The following PALM2AKAP2 variants were observed in gnomAD, a reference collection of about 807,000 sequenced individuals.
PALM2AKAP2 encodes the protein PALM2-AKAP2 fusion protein.
Under a neutral mutation model 71.5 loss-of-function variants are expected in PALM2AKAP2, and 37 were observed. The observed-to-expected ratio is 0.52, with a 90% CI of 0.40 to 0.68. The LOEUF (loss-of-function observed/expected upper bound fraction) is 0.68, where lower values mean the gene tolerates loss of function less well. PALM2AKAP2 is among the 30% of genes least tolerant of loss of function. The pLI is 0.00. For synonymous variants in PALM2AKAP2, 468 were observed against 478.8 expected, an observed-to-expected ratio of 0.98 and a Z score of 0.29; for missense variants, 1,224 against 1,191.8, an observed-to-expected ratio of 1.03 and a Z score of -0.40.
chr9:109,787,102 G>A (rs1414254420), intron 1 of PALM2AKAP2, among the ~76,000 whole-genome samples: 1 of 151,892 alleles, frequency 6.6e-6, no homozygotes, highest in African/African-American at 2.4e-5. Flanking sequence ...ATTGTGGTGG[G>A]GTAGTTACCA....
At chr9:109,845,945 A>G (rs1828840888) in intron 1 of PALM2AKAP2, among the ~76,000 whole-genome samples, 1 of 152,226 alleles carries the variant, frequency 6.6e-6, no homozygotes, top group African/African-American at 2.4e-5. Context: ...TCTCAGATTC[A>G]GAAGGAGGAG....
chr9:110,148,584 A>G (rs2119173830), intron 2 of PALM2AKAP2: 1 of 152,308 alleles, frequency 6.6e-6, no homozygotes, highest in African/African-American at 2.4e-5. Context: ...TGAAAATGCA[A>G]GTCTGAGCTC....
upstream of PALM2AKAP2, chr9:110,048,591 G>T (rs1402055228): frequency 5.0e-6 from 6 of 1,206,264 alleles, no homozygotes; most frequent in East Asian, 1.8e-4. Context: ...GTCCGTGGGC[G>T]CTGGGCTACT....
intron 1 of PALM2AKAP2, among the ~76,000 whole-genome samples, chr9:110,078,650 T>A (rs973178668): frequency 1.3e-5 from 2 of 152,232 alleles, no homozygotes; most frequent in African/African-American, 2.4e-5. Flanking sequence ...TAATTTCCAA[T>A]AAAAACTCTG....
At chr9:109,683,132 G>A (rs1827760825) in intron 1 of PALM2AKAP2, among the ~76,000 whole-genome samples, 1 of 152,098 alleles carries the variant, frequency 6.6e-6, no homozygotes, top group African/African-American at 2.4e-5. Flanking sequence ...CTCTTTCTTT[G>A]CCTTCCACCA....
chr9:110,076,518 T>C (rs2118650597), intron 1 of PALM2AKAP2, among the ~76,000 whole-genome samples: 1 of 145,426 alleles, frequency 6.9e-6, no homozygotes, highest in East Asian at 1.9e-4. Context: ...TATAGGTATA[T>C]ATACCTCCAA....
At chr9:109,947,798 T>C (rs941278188) in intron 6 of PALM2AKAP2, among the ~76,000 whole-genome samples, 1 of 152,214 alleles carries the variant, frequency 6.6e-6, no homozygotes, top group Non-Finnish European at 1.5e-5. Flanking sequence ...CCATTTCACA[T>C]TGCATTTTTG....
At chr9:109,648,158 G>A (rs909491977) in intron 1 of PALM2AKAP2, among the ~76,000 whole-genome samples, 18 of 152,092 alleles carry the variant, frequency 1.2e-4, no homozygotes, top group African/African-American at 4.1e-4. Flanking sequence ...AGACGTGCCT[G>A]CTTCCCCTTC....
At chr9:109,901,996 A>C (rs1445301407) in intron 3 of PALM2AKAP2, among the ~76,000 whole-genome samples, 2 of 152,082 alleles carry the variant, frequency 1.3e-5, no homozygotes, top group African/African-American at 4.8e-5. Flanking sequence ...AAATATCAGC[A>C]ATATCTTGGA....
intron 1 of PALM2AKAP2, among the ~76,000 whole-genome samples, chr9:109,642,619 G>A (rs1308703849): frequency 1.3e-5 from 2 of 151,440 alleles, no homozygotes; most frequent in African/African-American, 2.4e-5. Context: ...GTGCAATGGC[G>A]CTATCATGGC....
rs10571516 is a variant in PALM2AKAP2, at chr9:109,822,268, T to TATCCATCCATCC, written c.45+41763_45+41774dup. Among the ~76,000 whole-genome samples, 99 of 150,296 alleles carry TATCCATCCATCC rather than the reference T, an allele frequency of 6.6e-4. 1 individual carries two copies. Among genetic ancestry groups the TATCCATCCATCC allele is most frequent in the Middle Eastern group, 3.4e-3 (1 of 292 alleles). On this transcript the variant is annotated intron_variant, in intron 1 of 9. Transcript: ENST00000302798. ...TCTCTTCCCATCTTCCCCATCCATCTATCCATCCATCCATCCATCCATCCA... is the reference window on the plus strand; with the variant it reads ...TCTCTTCCCATCTTCCCCATCCATCTATCCATCCATCCATCCATCCATCCATCCATCCATCCA...
intron 1 of PALM2AKAP2, among the ~76,000 whole-genome samples, chr9:109,757,930 C>T (rs1267032356): frequency 6.6e-6 from 1 of 151,708 alleles, no homozygotes; most frequent in Non-Finnish European, 1.5e-5. Context: ...TCTCATGGCC[C>T]AAAATTCAAA....
intron 1 of PALM2AKAP2, among the ~76,000 whole-genome samples, chr9:110,071,510 G>A (rs1236546394): frequency 2.6e-5 from 4 of 152,136 alleles, no homozygotes; most frequent in South Asian, 2.1e-4. Flanking sequence ...TCTTATTGAC[G>A]TCTTTGACAG....
At chr9:109,980,134 C>A (rs926338174) in intron 6 of PALM2AKAP2, among the ~76,000 whole-genome samples, 3 of 152,188 alleles carry the variant, frequency 2.0e-5, no homozygotes, top group African/African-American at 4.8e-5. Flanking sequence ...CACCATCACT[C>A]TTCTTGGTTC....
At chr9:109,827,271 G>C (rs10816888) in intron 1 of PALM2AKAP2, among the ~76,000 whole-genome samples, 24,039 of 152,204 alleles carry the variant, frequency 0.16, 2,494 homozygotes, top group East Asian at 0.34. Context: ...GTCTAGGAAA[G>C]TTATTCTCAA....
chr9:109,654,323 C>A (rs1317851074), intron 1 of PALM2AKAP2, among the ~76,000 whole-genome samples: 2 of 152,144 alleles, frequency 1.3e-5, no homozygotes, highest in African/African-American at 4.8e-5. Context: ...AAGGGAAAAG[C>A]AACTTGTTTT....
chr9:110,007,909 A>G (rs1225624291), intron 6 of PALM2AKAP2, among the ~76,000 whole-genome samples: 1 of 152,220 alleles, frequency 6.6e-6, no homozygotes, highest in Non-Finnish European at 1.5e-5. Flanking sequence ...ATAGACAGTG[A>G]GGAAACCCAG....
intron 1 of PALM2AKAP2, among the ~76,000 whole-genome samples, chr9:109,731,056 A>G (rs1408807255): frequency 1.3e-5 from 2 of 152,214 alleles, no homozygotes; most frequent in Non-Finnish European, 2.9e-5. Flanking sequence ...AATTGTGTGA[A>G]TTTCTTATTA....
chr9:110,065,956 T>C (rs985235191), intron 1 of PALM2AKAP2, among the ~76,000 whole-genome samples: 2 of 152,248 alleles, frequency 1.3e-5, no homozygotes, highest in Non-Finnish European at 2.9e-5. Flanking sequence ...CATTCATTCA[T>C]TCGATACTTG....
Sources: allele counts gnomAD v4.1 joint callset (sites outside exome capture counted in the v4.1 genomes callset), GRCh38; gene constraint gnomAD v4.1.1; transcripts MANE v1.5; gene names NCBI Gene and HGNC (gene_info 2026-07-23, HGNC 2026-07-21).